LARP1B: variants seen among roughly 807,000 people sequenced by gnomAD.
The protein encoded by LARP1B is La ribonucleoprotein 1B, also known as la-related protein 1B.
In LARP1B, 76 loss-of-function variants were observed where a neutral mutation model predicts 114.2. The observed-to-expected ratio is 0.67, with a 90% CI of 0.55 to 0.81. The LOEUF (loss-of-function observed/expected upper bound fraction) is 0.81, where lower values mean the gene tolerates loss of function less well. Among genes scored for constraint, LARP1B ranks in the 30% least tolerant of loss-of-function variants. The pLI is 0.00. For missense variants in LARP1B, 1,014 were observed against 1,075.8 expected (o/e 0.94, Z 0.80); for synonymous variants, 345 against 348.0 (o/e 0.99, Z 0.10).
At chr4:128,075,022 T>TTA in intron 3 of LARP1B, 29 bp downstream of exon 3, 1 of 1,415,598 alleles carries the variant, frequency 7.1e-7, no homozygotes, top group Non-Finnish European at 9.9e-7. Flanking sequence ...TTTTTTTTTT[T>TTA]AAAGAAAGGA....
chr4:128,194,605 C>T (rs1326604884), intron 15 of LARP1B, among the ~76,000 whole-genome samples: 2 of 139,936 alleles, frequency 1.4e-5, no homozygotes, highest in African/African-American at 5.3e-5. Flanking sequence ...ATGGCGTGAA[C>T]CCGGGAGGCG....
At chr4:128,082,942 T>C (rs1400630604) in intron 5 of LARP1B, among the ~76,000 whole-genome samples, 1 of 151,592 alleles carries the variant, frequency 6.6e-6, no homozygotes, top group Non-Finnish European at 1.5e-5. Flanking sequence ...TCTCTGGTTT[T>C]CCTAGGCAGA....
intron 11 of LARP1B, among the ~76,000 whole-genome samples, chr4:128,133,999 A>ATTTTT (rs71587365): frequency 7.2e-6 from 1 of 139,078 alleles, no homozygotes; most frequent in Admixed American, 7.3e-5. Context: ...GCCCAGCCCA[A>ATTTTT]TTTTTTTTTT....
chr4:128,093,574 CAA>C (rs977626858), intron 7 of LARP1B, among the ~76,000 whole-genome samples: 30 of 151,290 alleles, frequency 2.0e-4, no homozygotes, highest in African/African-American at 7.0e-4. Flanking sequence ...CCGGCCTGGG[CAA>C]AAGAGCCAGA....
intron 11 of LARP1B, chr4:128,122,594 C>G (rs1230569077): frequency 1.2e-5 from 18 of 1,496,910 alleles, no homozygotes; most frequent in Non-Finnish European, 1.6e-5. Flanking sequence ...GCTGTATGAG[C>G]CAGTGGCTTT....
chr4:128,068,018 C>G (rs1338299384), intron 1 of LARP1B, among the ~76,000 whole-genome samples: 2 of 151,648 alleles, frequency 1.3e-5, no homozygotes, highest in African/African-American at 2.4e-5. Context: ...GTAGCTGGGA[C>G]TACAGGCGCC....
chr4:128,162,309 C>T lies in LARP1B; in HGVS notation c.1640C>T (p.Ser547Phe). ...GAAGTTCCTGTAGCACCTTCACAGTCCAGGCAAGGTATGTAAATCTGCTTT... is the reference window on the plus strand; with the variant it reads ...GAAGTTCCTGTAGCACCTTCACAGTTCAGGCAAGGTATGTAAATCTGCTTT... ...NQEVPVAPSQ[S>F]RQGGVQGVLH... Residue 547 changes from serine (S) to phenylalanine (F), a missense_variant, in exon 12 of 20, where the codon TCC (serine) becomes TTC (phenylalanine). Physicochemically the swap from Ser to Phe is radical, Grantham distance 155. Transcript: ENST00000326639. 6.2e-7 allele frequency: 1 copy of T among 1,612,454 alleles called. No homozygotes were observed. Among genetic ancestry groups the T allele is most frequent in the Non-Finnish European group, 8.5e-7 (1 of 1,179,032 alleles).
rs1345041627 is a variant in LARP1B at position 128,125,872 on chromosome 4, A to G, written c.1524+3684A>G. Reference sequence around the variant, plus strand: ...CCAAGTTCATACTCTGGGTGACTAAAGGAAGCACTAGTTGTAAATTTGATG... The same window carrying G: ...CCAAGTTCATACTCTGGGTGACTAAGGGAAGCACTAGTTGTAAATTTGATG... On this transcript the variant is annotated intron_variant, in intron 11 of 19. Coordinates refer to ENST00000326639, the MANE Select transcript of LARP1B (RefSeq NM_018078.4). 2.0e-5 allele frequency among the ~76,000 whole-genome samples: 3 copies of G among 152,224 alleles called. No individual in the cohort carries two copies. In the East Asian group the frequency reaches 5.8e-4, roughly 29 times the overall value.
At chr4:128,219,167 A>G (rs1418674812) in intron 6 of LARP1B, among the ~76,000 whole-genome samples, 3 of 150,708 alleles carry the variant, frequency 2.0e-5, no homozygotes, top group African/African-American at 4.9e-5. Flanking sequence ...GAGGATGTGG[A>G]GAAATAGGAA....
intron 1 of LARP1B, chr4:128,061,862 A>G: frequency 1.0e-6 from 1 of 984,976 alleles, no homozygotes; most frequent in African/African-American, 1.7e-5. Context: ...CGCGGCCGCC[A>G]CTAGCGCTGG....
rs182238738 is a variant in LARP1B at position 128,104,831 on chromosome 4, T to C, written c.814-2308T>C. Among the ~76,000 whole-genome samples, 510 of 152,328 alleles carry C rather than the reference T, an allele frequency of 3.3e-3. 4 individuals carry two copies. Among genetic ancestry groups the C allele is most frequent in the African/African-American group, 0.012 (482 of 41,580 alleles). ...TTTGATGCTACTGTGAACGTTGTCA[T>C]AGATATTTCTGGGTGAACATAAGCA... On this transcript the variant is annotated intron_variant, in intron 8 of 19. Coordinates refer to ENST00000326639, the MANE Select transcript of LARP1B (RefSeq NM_018078.4).
chr4:128,160,884 A>G (rs1161877795), intron 11 of LARP1B, among the ~76,000 whole-genome samples: 1 of 152,240 alleles, frequency 6.6e-6, no homozygotes, highest in Non-Finnish European at 1.5e-5. Flanking sequence ...CTGACAAGTG[A>G]CTTCATCTTT....
intron 4 of LARP1B, 146 bp downstream of exon 4, chr4:128,078,108 G>C (rs1768727614): frequency 1.9e-6 from 1 of 532,978 alleles, no homozygotes; most frequent in South Asian, 5.8e-5. Flanking sequence ...TAACTCATTT[G>C]CTTTTGTAAC....
chr4:128,188,565 T>C (rs753027908), intron 15 of LARP1B, among the ~76,000 whole-genome samples: 2 of 152,232 alleles, frequency 1.3e-5, no homozygotes, highest in Non-Finnish European at 2.9e-5. Context: ...TGATTTGTTC[T>C]TTTCTAGTTC....
At chr4:128,077,069 C>T (rs1236498248) in intron 3 of LARP1B, among the ~76,000 whole-genome samples, 1 of 152,046 alleles carries the variant, frequency 6.6e-6, no homozygotes, top group East Asian at 1.9e-4. Flanking sequence ...AATATTTTAG[C>T]CATTCTAATA....
chr4:128,071,934 CTATT>C (rs781694087), intron 1 of LARP1B, among the ~76,000 whole-genome samples: 3 of 152,028 alleles, frequency 2.0e-5, no homozygotes, highest in Non-Finnish European at 4.4e-5. Flanking sequence ...TTTTCTTTAA[CTATT>C]TACAGTTATT....
chr4:128,076,121 C>G (rs1420705398), intron 3 of LARP1B, among the ~76,000 whole-genome samples: 1 of 152,088 alleles, frequency 6.6e-6, no homozygotes, highest in Non-Finnish European at 1.5e-5. Flanking sequence ...TTAAGTGATT[C>G]TCCTGCCTCA....
chr4:128,106,223 C>A (rs1395101296), intron 8 of LARP1B, among the ~76,000 whole-genome samples: 1 of 151,994 alleles, frequency 6.6e-6, no homozygotes, highest in African/African-American at 2.4e-5. Flanking sequence ...GAGGTTTCAC[C>A]ATATTGGCCA....
intron 1 of LARP1B, among the ~76,000 whole-genome samples, chr4:128,069,839 C>T (rs1190515235): frequency 2.0e-5 from 3 of 151,986 alleles, no homozygotes; most frequent in Admixed American, 2.0e-4. Flanking sequence ...ACCCTATGTT[C>T]ATCATCAACC....
Sources: gnomAD v4.1 joint callset for allele counts (sites outside exome capture counted in the v4.1 genomes callset) on GRCh38, gnomAD v4.1.1 for gene constraint, MANE v1.5 for transcripts, NCBI Gene and HGNC (gene_info 2026-07-23, HGNC 2026-07-21) for gene names.